The following TPD52L2 variants were observed in gnomAD, a reference collection of about 807,000 sequenced individuals.
TPD52L2 encodes TPD52 like 2.
Under a neutral mutation model 24.7 loss-of-function variants are expected in TPD52L2, and 19 were observed. The observed-to-expected ratio is 0.77, with a 90% confidence interval of 0.54 to 1.13. TPD52L2 has a LOEUF of 1.13. TPD52L2 is among the 50% of genes most tolerant of loss of function. The pLI is 0.00. For synonymous variants in TPD52L2, 104 were observed against 100.2 expected (o/e 1.04, Z -0.23); for missense variants, 236 against 250.4 (o/e 0.94, Z 0.39).
At chr20:63,869,835 T>C (rs746935043) in intron 2 of TPD52L2, among the ~76,000 whole-genome samples, 5 of 152,250 alleles carry the variant, frequency 3.3e-5, no homozygotes, top group South Asian at 2.1e-4. Context: ...TTTAAACATA[T>C]TTATTTTGGC....
chr20:63,886,817 G>C (rs1375581783), intron 5 of TPD52L2: 2 of 152,042 alleles, frequency 1.3e-5, no homozygotes, highest in Non-Finnish European at 2.9e-5. Context: ...GCTAATTTTT[G>C]TATTTTTAGT....
Position 63,865,449 on chromosome 20 carries a change from C to T in TPD52L2, c.19+65C>T, listed in dbSNP as rs1034834532. ...AGGCTGCCCGTTGTTCTCCGTCTCC[C>T]GGGGTCGCGTCTGCGACTCTCTGTC... is the stretch of plus-strand genomic sequence containing the variant. On this transcript the variant is annotated intron_variant, in intron 1 of 6. Transcript: ENST00000346249. 6 of 1,489,024 alleles carry T rather than the reference C, an allele frequency of 4.0e-6. No individual in the cohort carries two copies. In the African/African-American group the frequency reaches 4.3e-5, roughly 11 times the overall value. 92.2% of individuals were successfully genotyped at this position (1,489,024 alleles called of 1,614,324 possible). A position where few individuals can be genotyped will look rare whatever the true frequency, so the allele number is the denominator to read the frequency against.
intron 5 of TPD52L2, among the ~76,000 whole-genome samples, chr20:63,886,259 T>G (rs2053094212): frequency 6.6e-6 from 1 of 152,034 alleles, no homozygotes; most frequent in Non-Finnish European, 1.5e-5. Flanking sequence ...CCCCGGCCCT[T>G]CTGTGTCCCC....
At chr20:63,884,169 G>C (rs996340676) in intron 5 of TPD52L2, among the ~76,000 whole-genome samples, 7 of 152,146 alleles carry the variant, frequency 4.6e-5, no homozygotes, top group Admixed American at 3.9e-4. Flanking sequence ...CACGCCCAAG[G>C]CTCCACACTC....
At chr20:63,887,754 G>A (rs2053187431) in intron 5 of TPD52L2, 3 of 783,946 alleles carry the variant, frequency 3.8e-6, no homozygotes, top group African/African-American at 1.7e-5. Flanking sequence ...CTAAGGGCCG[G>A]TAAAAACCCC....
chr20:63,865,337 C>A lies in TPD52L2; in HGVS notation c.-29C>A. ...CCGCCCGCTCGGCTCCCATAGCGCC[C>A]GCGACAGCGGTCCGGACGCCGCCCG... On this transcript the variant is annotated 5_prime_UTR_variant, in exon 1 of 7. Transcript: ENST00000346249. 1 of 1,521,154 alleles carries A rather than the reference C, an allele frequency of 6.6e-7. No homozygotes were observed. Among genetic ancestry groups the A allele is most frequent in the Admixed American group, 2.0e-5 (1 of 49,136 alleles). 94.2% of individuals were successfully genotyped at this position (1,521,154 alleles called of 1,614,324 possible).
At chr20:63,879,217 G>T (rs2052802601) in intron 4 of TPD52L2, among the ~76,000 whole-genome samples, 1 of 152,198 alleles carries the variant, frequency 6.6e-6, no homozygotes, top group Non-Finnish European at 1.5e-5. Flanking sequence ...CAGTTTGGAG[G>T]TTCCTGTTTC....
chr20:63,873,423 A>C (rs1325575110), intron 2 of TPD52L2, among the ~76,000 whole-genome samples: 1 of 149,166 alleles, frequency 6.7e-6, no homozygotes, highest in Admixed American at 6.8e-5. Flanking sequence ...TGAAAGGCAG[A>C]GGTTGCGGTG....
At chr20:63,885,747 C>G (rs1202318187) in intron 5 of TPD52L2, among the ~76,000 whole-genome samples, 2 of 152,230 alleles carry the variant, frequency 1.3e-5, no homozygotes, top group African/African-American at 4.8e-5. Flanking sequence ...CCAGGGGCCT[C>G]TTGGGCACAG....
chr20:63,878,054 G>C (rs999407603), intron 4 of TPD52L2, among the ~76,000 whole-genome samples: 1 of 152,264 alleles, frequency 6.6e-6, no homozygotes, highest in African/African-American at 2.4e-5. Flanking sequence ...GCCATGGCGC[G>C]TGCTCTTCCT....
chr20:63,882,936 A>C, intron 5 of TPD52L2, 116 bp downstream of exon 5: 1 of 763,364 alleles, frequency 1.3e-6, no homozygotes, highest in Non-Finnish European at 2.1e-6. Context: ...TGGCTCAGGG[A>C]TGTGGCCATC....
Position 63,889,896 on chromosome 20 carries a change from C to G in TPD52L2, c.572C>G (p.Ser191Cys). The G allele has an allele frequency of 6.2e-7, 1 of 1,614,216 alleles. No individual in the cohort carries two copies. The highest frequency in any genetic ancestry group is 8.5e-7 in the Non-Finnish European group (1 of 1,180,040). Reference protein sequence around the residue: ...DRENGSDNLPSSAGSGDKPLS... With the variant: ...DRENGSDNLPCSAGSGDKPLS... ...GAGAACGGCAGTGACAACCTCCCTT[C>G]CTCAGCGGGGAGTGGTGACAAGCCC... Residue 191 changes from serine to cysteine, a missense_variant, in exon 7 of 7, where the codon TCC becomes TGC. Physicochemically the swap from Ser to Cys is moderately radical, Grantham distance 112. Coordinates refer to ENST00000346249, the MANE Select transcript of TPD52L2 (RefSeq NM_003288.4).
At chr20:63,870,366 C>T (rs6122201) in intron 2 of TPD52L2, among the ~76,000 whole-genome samples, 1 of 152,066 alleles carries the variant, frequency 6.6e-6, no homozygotes, top group Admixed American at 6.6e-5. Flanking sequence ...GTTTCAGATC[C>T]TGAGGACATC....
chr20:63,876,735 C>T (rs1053300855), intron 4 of TPD52L2: 1 of 455,814 alleles, frequency 2.2e-6, no homozygotes, highest in Middle Eastern at 3.3e-4. Context: ...GCACTGCGTG[C>T]ACATGGAGCC....
At chr20:63,886,018 C>T (rs1463957563) in intron 5 of TPD52L2, 4 of 1,614,174 alleles carry the variant, frequency 2.5e-6, no homozygotes, top group Non-Finnish European at 3.4e-6. Flanking sequence ...CCTTCCAGGG[C>T]TCATCCATTT....
intron 5 of TPD52L2, chr20:63,888,957 G>A (rs2053230888): frequency 6.8e-6 from 4 of 589,578 alleles, no homozygotes; most frequent in Admixed American, 5.9e-5. Flanking sequence ...GGGGTTTCCA[G>A]TTGCCTTGTG....
chr20:63,884,143 C>G (rs778450273), intron 5 of TPD52L2, among the ~76,000 whole-genome samples: 12 of 152,160 alleles, frequency 7.9e-5, no homozygotes, highest in Admixed American at 3.3e-4. Flanking sequence ...GTGTGTGTTT[C>G]CTCTGTGCAC....
intron 2 of TPD52L2, 51 bp from the exon 3 acceptor site, chr20:63,873,617 G>A (rs1406936451): frequency 6.3e-7 from 1 of 1,592,384 alleles, no homozygotes; most frequent in African/African-American, 1.4e-5. Context: ...GAGGATGTTA[G>A]TCACTTCCTG....
chr20:63,865,646 T>C (rs1323771419), intron 1 of TPD52L2, among the ~76,000 whole-genome samples: 1 of 151,818 alleles, frequency 6.6e-6, no homozygotes, highest in African/African-American at 2.4e-5. Context: ...TGTGGTTCCC[T>C]GGCGCCCGCC....
Sources: gnomAD v4.1 joint callset for allele counts (sites outside exome capture counted in the v4.1 genomes callset) on GRCh38, gnomAD v4.1.1 for gene constraint, MANE v1.5 for transcripts, NCBI Gene and HGNC (gene_info 2026-07-23, HGNC 2026-07-21) for gene names.